The following DNAH3 variants were observed in gnomAD, a reference collection of about 807,000 sequenced individuals.
The protein encoded by DNAH3 is axonemal beta dynein heavy chain 3.
DNAH3 carries 332 observed loss-of-function variants against 432.5 expected under a neutral mutation model. The observed-to-expected ratio is 0.77, with a 90% confidence interval of 0.70 to 0.84. DNAH3 has a LOEUF of 0.84. DNAH3 is among the 40% of genes least tolerant of loss of function. The probability of loss-of-function intolerance (pLI) is 0.00; values close to 1 mark genes in which losing one functional copy is unlikely to be tolerated. For missense variants in DNAH3, 4,861 were observed against 5,114.0 expected (o/e 0.95, Z 1.51); for synonymous variants, 1,956 against 1,900.2 (o/e 1.03, Z -0.76).
intron 44 of DNAH3, among the ~76,000 whole-genome samples, chr16:20,989,872 G>A (rs928159165): frequency 1.3e-5 from 2 of 152,252 alleles, no homozygotes; most frequent in Non-Finnish European, 2.9e-5. Context: ...ACCCTCCGCA[G>A]CCGCTGGCCG....
chr16:21,119,447 C>T (rs1171322420), intron 11 of DNAH3, among the ~76,000 whole-genome samples: 10 of 152,004 alleles, frequency 6.6e-5, no homozygotes, highest in African/African-American at 2.4e-4. Context: ...GCCTGGGCAA[C>T]GTGGCGGAAC....
intron 44 of DNAH3, among the ~76,000 whole-genome samples, chr16:20,996,678 C>T (rs757664855): frequency 9.9e-5 from 15 of 151,978 alleles, no homozygotes; most frequent in Admixed American, 7.2e-4. Context: ...AGGGTAGTCT[C>T]GAACTCCTGG....
Position 21,051,962 on chromosome 16 carries a change from C to T in DNAH3, c.4040-94G>A, listed in dbSNP as rs181652589. 1.3e-5 allele frequency: 12 copies of T among 947,814 alleles called. 1 individual carries two copies. In the African/African-American group the frequency reaches 1.3e-4, roughly 10 times the overall value. 58.7% of individuals were successfully genotyped at this position (947,814 alleles called of 1,614,324 possible). On this transcript the variant is annotated intron_variant, in intron 28 of 61. Coordinates refer to ENST00000261383, the Ensembl canonical transcript of DNAH3. ...AGTTACAAGTGGATGTTATCAAGGT[C>T]CCCCATTCTCCAAACTATTTTATTT...
rs537225560 is a variant in DNAH3 at position 20,993,526 on chromosome 16, A to G, written c.6601+3757T>C. ...TTGAAGATTAATTTTTCTGGCTATAAAATCCTCAACTCTCATTTTATTTCC... is the reference window on the plus strand; with the variant it reads ...TTGAAGATTAATTTTTCTGGCTATAGAATCCTCAACTCTCATTTTATTTCC... On this transcript the variant is annotated intron_variant, in intron 44 of 61. Transcript: ENST00000261383. Among the ~76,000 whole-genome samples the G allele has an allele frequency of 3.3e-5, 5 of 152,274 alleles. No homozygotes were observed. In the South Asian group the frequency reaches 1.0e-3, roughly 32 times the overall value.
At chr16:21,083,796 C>T (rs2091273570) in intron 19 of DNAH3, among the ~76,000 whole-genome samples, 2 of 152,078 alleles carry the variant, frequency 1.3e-5, no homozygotes, top group Admixed American at 6.5e-5. Context: ...GGGCTGTCCC[C>T]AGGGCGGCCT....
chr16:21,022,208 T>C (rs2088272871), intron 39 of DNAH3, 108 bp from the exon 40 acceptor site: 1 of 1,202,892 alleles, frequency 8.3e-7, no homozygotes, highest in African/African-American at 1.5e-5. Context: ...AGACTGCTGA[T>C]TTAAATGTAG....
chr16:21,022,007 C>G (rs1286729690), exon 40 of DNAH3: 1 of 1,613,866 alleles, frequency 6.2e-7, no homozygotes. Context: ...ATTGAGAAGG[C>G]AAGGTGGATG....
chr16:21,100,314 C>G (rs2091804800), intron 16 of DNAH3, among the ~76,000 whole-genome samples: 1 of 152,194 alleles, frequency 6.6e-6, no homozygotes, highest in South Asian at 2.1e-4. Flanking sequence ...TCAGGTGATT[C>G]GCCCACCTTG....
exon 53 of DNAH3, chr16:20,963,489 C>T: frequency 6.2e-7 from 1 of 1,614,192 alleles, no homozygotes. Flanking sequence ...CTTGAGAGAA[C>T]TTCCAAGACC....
intron 53 of DNAH3, among the ~76,000 whole-genome samples, chr16:20,959,640 CA>C (rs2084728417): frequency 6.6e-6 from 1 of 151,482 alleles, no homozygotes; most frequent in Non-Finnish European, 1.5e-5. Flanking sequence ...CACACACACA[CA>C]CACACACACA....
At chr16:21,113,891 G>A (rs1377187279) in intron 12 of DNAH3, among the ~76,000 whole-genome samples, 1 of 152,144 alleles carries the variant, frequency 6.6e-6, no homozygotes, top group Non-Finnish European at 1.5e-5. Flanking sequence ...CAAATATTAC[G>A]ATAGTCCCTC....
intron 20 of DNAH3, among the ~76,000 whole-genome samples, chr16:21,080,745 C>T (rs148775941): frequency 1.3e-5 from 2 of 152,240 alleles, no homozygotes; most frequent in Non-Finnish European, 2.9e-5. Flanking sequence ...ACAGGGTCTC[C>T]AGTCCAGGCA....
At chr16:21,141,360 G>A in exon 4 of DNAH3, 1 of 1,588,982 alleles carries the variant, frequency 6.3e-7, no homozygotes. Flanking sequence ...GGGCTCTGAT[G>A]AGCTTCTATT....
chr16:21,106,177 T>TAAAAAAA (rs767198150), intron 15 of DNAH3, among the ~76,000 whole-genome samples: 1 of 97,562 alleles, frequency 1.0e-5, no homozygotes, highest in Non-Finnish European at 2.0e-5. Flanking sequence ...AGACTCCATC[T>TAAAAAAA]AAAAAAAAAA....
intron 52 of DNAH3, among the ~76,000 whole-genome samples, chr16:20,968,296 T>G (rs918206799): frequency 6.6e-6 from 1 of 152,090 alleles, no homozygotes; most frequent in African/African-American, 2.4e-5. Context: ...CTCAAACTCC[T>G]GGGCTCAAGT....
chr16:20,980,172 T>A (rs35825833), intron 49 of DNAH3, among the ~76,000 whole-genome samples: 58,575 of 123,086 alleles, frequency 0.48, 12,476 homozygotes, highest in South Asian at 0.58. Context: ...GAAAAAAAAA[T>A]ATATATATAT....
chr16:21,001,988 T>C (rs2087043157), intron 42 of DNAH3, among the ~76,000 whole-genome samples: 1 of 152,192 alleles, frequency 6.6e-6, no homozygotes, highest in Non-Finnish European at 1.5e-5. Flanking sequence ...GACTAAGCTC[T>C]TTTTGGAGAA....
intron 24 of DNAH3, 172 bp from the exon 25 acceptor site, chr16:21,062,855 A>G: frequency 3.3e-6 from 2 of 608,174 alleles, no homozygotes; most frequent in Non-Finnish European, 5.7e-6. Context: ...TGGAAGGTGG[A>G]GTTTTGCTTT....
chr16:21,145,706 A>G (rs2092774647), intron 2 of DNAH3, among the ~76,000 whole-genome samples: 1 of 152,216 alleles, frequency 6.6e-6, no homozygotes, highest in African/African-American at 2.4e-5. Flanking sequence ...AATTACCCTC[A>G]TTTTACAATG....
Sources: allele counts gnomAD v4.1 joint callset (sites outside exome capture counted in the v4.1 genomes callset), GRCh38; gene constraint gnomAD v4.1.1; transcripts MANE v1.5; gene names NCBI Gene and HGNC (gene_info 2026-07-23, HGNC 2026-07-21).